ITGB8: variants seen among roughly 807,000 people sequenced by gnomAD.
ITGB8 encodes the protein integrin subunit beta 8, also known as integrin beta-8.
A neutral mutation model predicts 89.5 loss-of-function variants in ITGB8; 30 were observed. The ratio of observed to expected loss-of-function variants is 0.34; its 90% CI spans 0.25 to 0.45. The LOEUF (loss-of-function observed/expected upper bound fraction) is 0.45. Ranked by LOEUF, ITGB8 falls within the 20% of genes least tolerant of loss-of-function variation. The pLI, the probability that ITGB8 is intolerant of heterozygous loss-of-function variation, is 1.00. For synonymous variants in ITGB8, 335 were observed against 320.4 expected (o/e 1.05, Z -0.49); for missense variants, 836 against 933.3 (o/e 0.90, Z 1.36).
intron 10 of ITGB8, among the ~76,000 whole-genome samples, chr7:20,403,767 G>A (rs1431065240): frequency 8.0e-6 from 1 of 124,500 alleles, no homozygotes; most frequent in Non-Finnish European, 1.6e-5. Flanking sequence ...AGGAAGGGAG[G>A]GAAGGAAGGA....
At chr7:20,374,313 G>C (rs377324798) in intron 3 of ITGB8, among the ~76,000 whole-genome samples, 2 of 152,084 alleles carry the variant, frequency 1.3e-5, no homozygotes, top group Non-Finnish European at 2.9e-5. Flanking sequence ...ATTTATGGGG[G>C]ACTATGTATG....
chr7:20,386,342 G>A (rs1199240616), intron 6 of ITGB8, among the ~76,000 whole-genome samples: 3 of 148,592 alleles, frequency 2.0e-5, no homozygotes, highest in Non-Finnish European at 1.5e-5. Context: ...AGGTTCAAGC[G>A]ATTCTCCTGC....
intron 6 of ITGB8, among the ~76,000 whole-genome samples, chr7:20,390,416 C>G (rs900145308): frequency 6.6e-6 from 1 of 151,892 alleles, no homozygotes; most frequent in Non-Finnish European, 1.5e-5. Flanking sequence ...CAATAATATA[C>G]CTAACTATAT....
chr7:20,372,308 T>A (rs1193372436), intron 3 of ITGB8, among the ~76,000 whole-genome samples: 2 of 152,196 alleles, frequency 1.3e-5, no homozygotes, highest in African/African-American at 4.8e-5. Context: ...AATGAACAGT[T>A]CAAAAGTTGG....
At chr7:20,361,496 C>T (rs1023313171) in intron 1 of ITGB8, among the ~76,000 whole-genome samples, 9 of 152,100 alleles carry the variant, frequency 5.9e-5, no homozygotes, top group Admixed American at 1.3e-4. Flanking sequence ...ATGATGGAAG[C>T]GCAGAAGCAC....
chr7:20,331,443 G>C lies in ITGB8; in HGVS notation c.-364G>C, dbSNP rs1367696429. 1.9e-5 allele frequency: 8 copies of C among 410,946 alleles called. No homozygotes were observed. The highest frequency in any genetic ancestry group is 2.1e-5 in the Non-Finnish European group (5 of 235,438). 25.5% of individuals were successfully genotyped at this position (410,946 alleles called of 1,614,324 possible). A position where few individuals can be genotyped will look rare whatever the true frequency, so the allele number is the denominator to read the frequency against. On this transcript the variant is annotated 5_prime_UTR_variant, in exon 1 of 14. Transcript: ENST00000222573. ...CTTCGCTAAGCTGATTTATGCAGCA[G>C]AAGCCCCACCGGCTGGAGAGAAACA...
At chr7:20,409,832 T>A in intron 13 of ITGB8, 43 bp from the exon 14 acceptor site, 1 of 1,609,972 alleles carries the variant, frequency 6.2e-7, no homozygotes, top group Non-Finnish European at 8.5e-7. Flanking sequence ...CTAGTTACAA[T>A]ATTTAGGCCC....
At position 20,331,696 on chromosome 7, in the gene ITGB8, GA is replaced by G; in HGVS notation, c.-107del. 1 of 1,329,574 alleles carries G rather than the reference GA, an allele frequency of 7.5e-7. No homozygotes were observed. 82.4% of individuals were successfully genotyped at this position (1,329,574 alleles called of 1,614,324 possible). ...GCGGGGTCCGCCTGCTAGGCCTGCG[GA>G]AAACGTCCTAGCGACACTCGGCCCG... On this transcript the variant is annotated 5_prime_UTR_variant, in exon 1 of 14. An upstream open reading frame in the 5' UTR loses its in-frame stop. Coordinates refer to ENST00000222573, the MANE Select transcript of ITGB8 (RefSeq NM_002214.3).
At chr7:20,405,252 T>G (rs1404517831) in intron 11 of ITGB8, among the ~76,000 whole-genome samples, 1 of 151,866 alleles carries the variant, frequency 6.6e-6, no homozygotes, top group Non-Finnish European at 1.5e-5. Context: ...AAACTCACCT[T>G]TGTACTTGAT....
intron 1 of ITGB8, among the ~76,000 whole-genome samples, chr7:20,333,782 T>A (rs1054989541): frequency 6.6e-6 from 1 of 152,200 alleles, no homozygotes; most frequent in African/African-American, 2.4e-5. Context: ...AGGTTTCTGA[T>A]GTATACTGAT....
At chr7:20,368,924 C>A (rs1210000965) in intron 3 of ITGB8, among the ~76,000 whole-genome samples, 1 of 152,184 alleles carries the variant, frequency 6.6e-6, no homozygotes, top group South Asian at 2.1e-4. Flanking sequence ...AAACTATAAT[C>A]TAGGGCCTTT....
intron 3 of ITGB8, among the ~76,000 whole-genome samples, chr7:20,377,105 C>G (rs890226703): frequency 6.6e-6 from 1 of 152,166 alleles, no homozygotes; most frequent in Non-Finnish European, 1.5e-5. Flanking sequence ...CCTCCAAGGA[C>G]TGGGCTTTTG....
chr7:20,384,300 G>T (rs200030609), intron 6 of ITGB8, among the ~76,000 whole-genome samples: 4 of 151,888 alleles, frequency 2.6e-5, no homozygotes, highest in Admixed American at 6.6e-5. Context: ...TGATTCAAGA[G>T]TCTTGGGGTT....
chr7:20,378,455 G>A (rs1001249317), intron 3 of ITGB8, among the ~76,000 whole-genome samples: 2 of 152,158 alleles, frequency 1.3e-5, no homozygotes, highest in Non-Finnish European at 2.9e-5. Context: ...GCTAACTGAT[G>A]GGAAGAATCT....
chr7:20,373,159 A>G lies in ITGB8; in HGVS notation c.389-5892A>G, dbSNP rs548409487. On this transcript the variant is annotated intron_variant, in intron 3 of 13. Coordinates refer to ENST00000222573, the MANE Select transcript of ITGB8 (RefSeq NM_002214.3). Reference sequence around the variant, plus strand: ...AATTTTTCATGAATATATTTATTACATCATGTACTGACTAGGGTTTCTTAA... The same window carrying G: ...AATTTTTCATGAATATATTTATTACGTCATGTACTGACTAGGGTTTCTTAA... 1.1e-3 allele frequency among the ~76,000 whole-genome samples: 174 copies of G among 152,322 alleles called. No homozygotes were observed. The Middle Eastern group carries it at 0.014, about 12-fold the overall frequency.
chr7:20,370,596 C>CTTT (rs60693419), intron 3 of ITGB8, among the ~76,000 whole-genome samples: 2 of 136,634 alleles, frequency 1.5e-5, no homozygotes, highest in East Asian at 4.0e-4. Context: ...TATTTATTTA[C>CTTT]TTATTTATTA....
At chr7:20,329,830 T>A (rs1004795952), upstream of ITGB8, 1 of 152,138 alleles carries the variant, frequency 6.6e-6, no homozygotes, top group African/African-American at 2.4e-5. Flanking sequence ...AAACACTGCC[T>A]TGTTTCCAAT....
chr7:20,364,135 T>C (rs1785605836), intron 2 of ITGB8, among the ~76,000 whole-genome samples: 1 of 152,192 alleles, frequency 6.6e-6, no homozygotes, highest in Admixed American at 6.5e-5. Context: ...AATAACAAAA[T>C]TCTTAGTAAA....
At chr7:20,362,619 T>C in intron 1 of ITGB8, among the ~76,000 whole-genome samples, 1 of 152,212 alleles carries the variant, frequency 6.6e-6, no homozygotes, top group Admixed American at 6.5e-5. Context: ...TTTGCTTATA[T>C]ATGTCTCTTC....
Sources: allele counts gnomAD v4.1 joint callset (sites outside exome capture counted in the v4.1 genomes callset), GRCh38; gene constraint gnomAD v4.1.1; transcripts MANE v1.5; gene names NCBI Gene and HGNC (gene_info 2026-07-23, HGNC 2026-07-21).